The following ZC3H12B variants were observed in gnomAD, a reference collection of about 807,000 sequenced individuals.
ZC3H12B encodes zinc finger CCCH-type containing 12B.
Under a neutral mutation model 43.9 loss-of-function variants are expected in ZC3H12B, and 7 were observed. The ratio of observed to expected loss-of-function variants is 0.16; its 90% CI spans 0.09 to 0.30. The LOEUF is 0.30. Among genes scored for constraint, ZC3H12B ranks in the 10% least tolerant of loss-of-function variants. ZC3H12B has a pLI of 1.00. For missense variants in ZC3H12B, 475 were observed against 670.2 expected, an observed-to-expected ratio of 0.71 and a Z score of 3.22; for synonymous variants, 222 against 241.7, an observed-to-expected ratio of 0.92 and a Z score of 0.76.
At chrX:65,367,016 A>G (rs2066182663) in intron 1 of ZC3H12B, among the ~76,000 whole-genome samples, 1 of 112,154 alleles carries the variant, frequency 8.9e-6, no homozygotes, top group African/African-American at 3.2e-5. Flanking sequence ...TGTAAGGCTT[A>G]GCACAGGGCC....
the ZC3H12B span, among the ~76,000 whole-genome samples, chrX:65,163,542 G>A: frequency 5.4e-5 from 6 of 111,536 alleles, no homozygotes; most frequent in African/African-American, 9.8e-5. Context: ...CTTGCAATCA[G>A]TGAGACTCCG....
chrX:65,234,410 A>C, the ZC3H12B span, among the ~76,000 whole-genome samples: 1 of 112,000 alleles, frequency 8.9e-6, no homozygotes, highest in Non-Finnish European at 1.9e-5. Flanking sequence ...ATCATACCGA[A>C]TGGGGAAAAA....
intron 3 of ZC3H12B, among the ~76,000 whole-genome samples, chrX:65,450,949 A>T (rs763092870): frequency 9.9e-6 from 1 of 100,912 alleles, no homozygotes; most frequent in South Asian, 4.3e-4. Flanking sequence ...ATACATATAT[A>T]TGTGAAAAGC....
the ZC3H12B span, among the ~76,000 whole-genome samples, chrX:65,348,123 C>G: frequency 9.0e-6 from 1 of 111,483 alleles, no homozygotes. Flanking sequence ...GGAGATATAC[C>G]TAATGTAAAT....
At chrX:65,380,333 G>C (rs892930620) in intron 2 of ZC3H12B, among the ~76,000 whole-genome samples, 42 of 107,790 alleles carry the variant, frequency 3.9e-4, no homozygotes, top group South Asian at 8.0e-4. Flanking sequence ...ATTTTCAACC[G>C]AGAATTTCAT....
At chrX:65,054,017 C>A in the ZC3H12B span, among the ~76,000 whole-genome samples, 1 of 112,351 alleles carries the variant, frequency 8.9e-6, no homozygotes, top group Non-Finnish European at 1.9e-5. Flanking sequence ...AGCCCTTTGT[C>A]AGATGAGTAG....
At chrX:65,336,985 G>A in the ZC3H12B span, among the ~76,000 whole-genome samples, 1 of 112,322 alleles carries the variant, frequency 8.9e-6, no homozygotes, top group Admixed American at 9.4e-5. Context: ...TTACTGAGAA[G>A]GGGGGCCTCC....
the ZC3H12B span, among the ~76,000 whole-genome samples, chrX:65,047,305 G>A: frequency 3.6e-5 from 4 of 111,629 alleles, no homozygotes; most frequent in Non-Finnish European, 7.6e-5. Context: ...TGTACAGGGA[G>A]ATCCTGTTCA....
At chrX:65,168,708 C>G in the ZC3H12B span, among the ~76,000 whole-genome samples, 1 of 111,327 alleles carries the variant, frequency 9.0e-6, no homozygotes, top group Non-Finnish European at 1.9e-5. Flanking sequence ...ATTATTGCCT[C>G]AATTTCAGAG....
At chrX:65,126,965 G>A in the ZC3H12B span, among the ~76,000 whole-genome samples, 89 of 110,163 alleles carry the variant, frequency 8.1e-4, 3 homozygotes, top group East Asian at 0.025. Flanking sequence ...TTCTTGATTA[G>A]CTTAATATTC....
the ZC3H12B span, among the ~76,000 whole-genome samples, chrX:65,320,052 G>T: frequency 0.012 from 1,295 of 111,209 alleles, 13 homozygotes; most frequent in African/African-American, 0.04. Flanking sequence ...CCTGCCCAGA[G>T]CAATCAGGCA....
intron 3 of ZC3H12B, among the ~76,000 whole-genome samples, chrX:65,446,780 G>T (rs1354019893): frequency 3.6e-5 from 4 of 111,841 alleles, no homozygotes; most frequent in Non-Finnish European, 1.9e-5. Flanking sequence ...CCTCTTTAGT[G>T]CCCCTTTCCT....
chrX:65,115,966 C>A, the ZC3H12B span, among the ~76,000 whole-genome samples: 3 of 110,643 alleles, frequency 2.7e-5, no homozygotes, highest in African/African-American at 9.9e-5. Context: ...TCAGATGTAT[C>A]AACTGTGAAG....
the ZC3H12B span, among the ~76,000 whole-genome samples, chrX:65,077,324 G>T: frequency 8.9e-6 from 1 of 111,833 alleles, no homozygotes; most frequent in Non-Finnish European, 1.9e-5. Flanking sequence ...CTAAGAGATG[G>T]TGGTGCCCTG....
intron 2 of ZC3H12B, among the ~76,000 whole-genome samples, chrX:65,373,079 C>CG (rs1168288936): frequency 8.9e-6 from 1 of 111,736 alleles, no homozygotes; most frequent in African/African-American, 3.2e-5. Flanking sequence ...GTATCTGAGT[C>CG]TGTTTCTTCA....
At chrX:65,124,224 T>A in the ZC3H12B span, among the ~76,000 whole-genome samples, 1 of 111,368 alleles carries the variant, frequency 9.0e-6, no homozygotes, top group Non-Finnish European at 1.9e-5. Flanking sequence ...TTTTAATGCC[T>A]TCTTTGTGTC....
chrX:65,396,068 C>T (rs2066692937), intron 2 of ZC3H12B, among the ~76,000 whole-genome samples: 1 of 110,564 alleles, frequency 9.0e-6, no homozygotes, highest in Non-Finnish European at 1.9e-5. Flanking sequence ...CGATTTGATT[C>T]TTCTCTCTTT....
At chrX:65,194,202 A>C in the ZC3H12B span, among the ~76,000 whole-genome samples, 1 of 91,143 alleles carries the variant, frequency 1.1e-5, no homozygotes, top group South Asian at 6.5e-4. Flanking sequence ...GATGTGTCAC[A>C]TTTCCCTTAT....
chrX:65,332,022 A>G, the ZC3H12B span, among the ~76,000 whole-genome samples: 2 of 111,094 alleles, frequency 1.8e-5, no homozygotes, highest in South Asian at 3.8e-4. Flanking sequence ...TCTTATGCCA[A>G]CCTTCTATCT....
Sources: gnomAD v4.1 joint callset for allele counts (sites outside exome capture counted in the v4.1 genomes callset) on GRCh38, gnomAD v4.1.1 for gene constraint, MANE v1.5 for transcripts, NCBI Gene and HGNC (gene_info 2026-07-23, HGNC 2026-07-21) for gene names.